The following MTA3 variants were observed in gnomAD, a reference collection of about 807,000 sequenced individuals.
The protein encoded by MTA3 is metastasis-associated protein MTA3.
MTA3 carries 34 observed loss-of-function variants against 83.5 expected under a neutral mutation model. The observed-to-expected ratio is 0.41, with a 90% CI of 0.31 to 0.54. The LOEUF (loss-of-function observed/expected upper bound fraction) is 0.54. Ranked by LOEUF, MTA3 falls within the 20% of genes least tolerant of loss-of-function variation. The pLI, the probability that MTA3 is intolerant of heterozygous loss-of-function variation, is 0.33. For missense variants in MTA3, 761 were observed against 726.4 expected (o/e 1.05, Z -0.55); for synonymous variants, 303 against 252.7 (o/e 1.20, Z -1.89).
At chr2:42,516,164 G>A (rs1460835242) in intron 2 of MTA3, among the ~76,000 whole-genome samples, 3 of 151,500 alleles carry the variant, frequency 2.0e-5, no homozygotes, top group East Asian at 3.9e-4. Context: ...TGATCTGCCC[G>A]CCTCAGCCTC....
intron 2 of MTA3, among the ~76,000 whole-genome samples, chr2:42,532,509 C>CA (rs1373402934): frequency 1.3e-5 from 2 of 151,530 alleles, no homozygotes; most frequent in Non-Finnish European, 2.9e-5. Flanking sequence ...GACGCCATCT[C>CA]AAAAAACAAA....
At chr2:42,512,117 T>G (rs1674932788) in intron 2 of MTA3, among the ~76,000 whole-genome samples, 2 of 151,404 alleles carry the variant, frequency 1.3e-5, no homozygotes, top group Admixed American at 6.6e-5. Flanking sequence ...CTGGGAGGGT[T>G]TTTTTCTTTT....
intron 2 of MTA3, among the ~76,000 whole-genome samples, chr2:42,576,502 G>A (rs1412171374): frequency 6.6e-6 from 1 of 152,034 alleles, no homozygotes; most frequent in Non-Finnish European, 1.5e-5. Flanking sequence ...TGGTGGCTCA[G>A]GCCTGTAGTC....
At chr2:42,532,843 G>T in intron 2 of MTA3, 1 of 388,078 alleles carries the variant, frequency 2.6e-6, no homozygotes, top group Non-Finnish European at 5.1e-6. Flanking sequence ...TCTCTGGGTG[G>T]AGCTGGCTGG....
At chr2:42,624,896 T>G (rs1427083110) in intron 4 of MTA3, among the ~76,000 whole-genome samples, 3 of 152,232 alleles carry the variant, frequency 2.0e-5, no homozygotes, top group Non-Finnish European at 2.9e-5. Flanking sequence ...TTCTCCATTC[T>G]TCGCATGTTA....
intron 3 of MTA3, among the ~76,000 whole-genome samples, chr2:42,607,649 A>G (rs551231187): frequency 5.9e-5 from 9 of 152,242 alleles, no homozygotes; most frequent in African/African-American, 2.2e-4. Context: ...TGGCCTGTCT[A>G]ACTTTAAATT....
intron 16 of MTA3, among the ~76,000 whole-genome samples, chr2:42,750,876 C>A (rs1669824452): frequency 6.6e-6 from 1 of 152,318 alleles, no homozygotes; most frequent in Non-Finnish European, 1.5e-5. Flanking sequence ...TTCTTGGGAT[C>A]CAGCTGCTTC....
chr2:42,662,661 G>A lies in MTA3; in HGVS notation c.702+2799G>A, dbSNP rs147562201. Among the ~76,000 whole-genome samples, 588 of 151,302 alleles carry A rather than the reference G, an allele frequency of 3.9e-3. 3 individuals carry two copies. Among genetic ancestry groups the A allele is most frequent in the African/African-American group, 0.014 (563 of 41,292 alleles). The stretch of plus-strand genomic sequence containing the variant: ...ACATTTTGATAACTAAGTCTTATGT[G>A]AACTTTCTTTTTAACTGTTTTAAAT... On this transcript the variant is annotated intron_variant, in intron 8 of 16. Transcript: ENST00000405094.
chr2:42,636,332 G>T (rs1187908706), intron 4 of MTA3, among the ~76,000 whole-genome samples: 1 of 152,058 alleles, frequency 6.6e-6, no homozygotes, highest in Non-Finnish European at 1.5e-5. Context: ...TTGAGCCAGG[G>T]AGTTTGAGAG....
At chr2:42,690,638 T>A (rs1310185181) in intron 9 of MTA3, among the ~76,000 whole-genome samples, 2 of 150,186 alleles carry the variant, frequency 1.3e-5, no homozygotes, top group Admixed American at 6.6e-5. Flanking sequence ...AGGTTCATAG[T>A]AGGTGTATAT....
At chr2:42,641,553 A>AT (rs980717683) in intron 5 of MTA3, among the ~76,000 whole-genome samples, 25 of 149,812 alleles carry the variant, frequency 1.7e-4, no homozygotes, top group Non-Finnish European at 1.3e-4. Context: ...ATTGTATTAA[A>AT]TTTTTTTTTT....
rs1039565370 is a variant in MTA3 at position 42,755,092 on chromosome 2, C to A, written c.*1693C>A. On this transcript the variant is annotated 3_prime_UTR_variant, in exon 17 of 17. Transcript: ENST00000405094. ...GCAGGCAGGGGTTCTCCTCAGGGTT[C>A]CCACTGAGGGGTCCCTTCAGCAAAG... The A allele has an allele frequency of 3.0e-5, 30 of 985,278 alleles. No homozygotes were observed. In the African/African-American group the frequency reaches 4.7e-4, roughly 16 times the overall value. 61.0% of individuals were successfully genotyped at this position (985,278 alleles called of 1,614,324 possible). A position where few individuals can be genotyped will look rare whatever the true frequency, so the allele number is the denominator to read the frequency against.
At chr2:42,497,991 G>C (rs946215746) in intron 2 of MTA3, among the ~76,000 whole-genome samples, 2 of 152,144 alleles carry the variant, frequency 1.3e-5, no homozygotes, top group Non-Finnish European at 2.9e-5. Context: ...GCTGACTCTG[G>C]CTTGAACACA....
chr2:42,750,412 T>TA (rs1669784325), intron 16 of MTA3, among the ~76,000 whole-genome samples: 1 of 151,652 alleles, frequency 6.6e-6, no homozygotes, highest in African/African-American at 2.4e-5. Flanking sequence ...TTTGTTTTTT[T>TA]TTTCCCTGGT....
chr2:42,731,282 T>C (rs1168067321), intron 16 of MTA3, among the ~76,000 whole-genome samples: 2 of 152,252 alleles, frequency 1.3e-5, no homozygotes, highest in African/African-American at 4.8e-5. Flanking sequence ...TTCTTTAATA[T>C]GCACTGATTA....
intron 2 of MTA3, among the ~76,000 whole-genome samples, chr2:42,505,272 G>T (rs1393779876): frequency 6.6e-6 from 1 of 152,044 alleles, no homozygotes; most frequent in East Asian, 1.9e-4. Context: ...TGCACCTGTA[G>T]TCCCAGCTAC....
intron 2 of MTA3, among the ~76,000 whole-genome samples, chr2:42,515,669 A>G (rs1328210786): frequency 6.6e-6 from 1 of 150,398 alleles, no homozygotes; most frequent in East Asian, 2.0e-4. Flanking sequence ...CGCTCGGCTA[A>G]TTTTTGTATT....
intron 2 of MTA3, among the ~76,000 whole-genome samples, chr2:42,524,668 C>T (rs1364881988): frequency 2.6e-5 from 4 of 151,746 alleles, no homozygotes; most frequent in African/African-American, 9.7e-5. Context: ...ATCTTCATCC[C>T]TGTATTGCTC....
chr2:42,562,779 G>T (rs1047847461), intron 2 of MTA3, among the ~76,000 whole-genome samples: 2 of 152,142 alleles, frequency 1.3e-5, no homozygotes, highest in African/African-American at 4.8e-5. Flanking sequence ...GCTATTTCCA[G>T]CTCAGAGCTC....
Sources: allele counts gnomAD v4.1 joint callset (sites outside exome capture counted in the v4.1 genomes callset), GRCh38; gene constraint gnomAD v4.1.1; transcripts MANE v1.5; gene names NCBI Gene and HGNC (gene_info 2026-07-23, HGNC 2026-07-21).